The following GABRB1 variants were observed in gnomAD, a reference collection of about 807,000 sequenced individuals.
GABRB1 encodes gamma-aminobutyric acid type A receptor subunit beta1, also known as gamma-aminobutyric acid receptor subunit beta-1.
In GABRB1, 17 loss-of-function variants were observed where a neutral mutation model predicts 51.6. The ratio of observed to expected loss-of-function variants is 0.33; its 90% CI spans 0.23 to 0.49. GABRB1 has a LOEUF of 0.49. Among genes scored for constraint, GABRB1 ranks in the 20% least tolerant of loss-of-function variants. GABRB1 has a pLI of 0.99. For synonymous variants in GABRB1, 247 were observed against 218.9 expected, an observed-to-expected ratio of 1.13 and a Z score of -1.14; for missense variants, 410 against 600.6, an observed-to-expected ratio of 0.68 and a Z score of 3.32.
intron 1 of GABRB1, among the ~76,000 whole-genome samples, chr4:47,006,188 ACC>A (rs1157819586): frequency 6.6e-6 from 1 of 151,976 alleles, no homozygotes; most frequent in Non-Finnish European, 1.5e-5. Flanking sequence ...TTGAATTATG[ACC>A]ACAGATTTTG....
intron 4 of GABRB1, among the ~76,000 whole-genome samples, chr4:47,211,228 G>A (rs1720343473): frequency 6.6e-6 from 1 of 152,150 alleles, no homozygotes; most frequent in African/African-American, 2.4e-5. Flanking sequence ...TCTACTCACT[G>A]TAGCTTAGCT....
chr4:47,293,741 A>G (rs1278190443), intron 4 of GABRB1, among the ~76,000 whole-genome samples: 1 of 152,212 alleles, frequency 6.6e-6, no homozygotes, highest in African/African-American at 2.4e-5. Flanking sequence ...AATAATAAAG[A>G]CACACACATA....
intron 4 of GABRB1, among the ~76,000 whole-genome samples, chr4:47,229,938 G>A (rs572251144): frequency 6.6e-6 from 1 of 152,206 alleles, no homozygotes; most frequent in East Asian, 1.9e-4. Context: ...ATAAGAAAAT[G>A]TTGTTTTAAG....
intron 1 of GABRB1, among the ~76,000 whole-genome samples, chr4:47,024,716 C>G (rs1360689168): frequency 6.6e-6 from 1 of 151,466 alleles, no homozygotes; most frequent in Non-Finnish European, 1.5e-5. Context: ...TTATCCCATA[C>G]CACCTTCTGA....
intron 5 of GABRB1, among the ~76,000 whole-genome samples, chr4:47,355,409 A>C (rs1192045120): frequency 6.6e-6 from 1 of 152,062 alleles, no homozygotes; most frequent in Non-Finnish European, 1.5e-5. Context: ...CTCATCTTCT[A>C]TGCTTCCACT....
chr4:47,153,476 A>T (rs1036587214), intron 3 of GABRB1, among the ~76,000 whole-genome samples: 1 of 152,050 alleles, frequency 6.6e-6, no homozygotes, highest in Non-Finnish European at 1.5e-5. Context: ...TCATCAAAAA[A>T]GATTTTTACA....
intron 3 of GABRB1, among the ~76,000 whole-genome samples, chr4:47,044,886 C>T (rs1726019868): frequency 6.6e-6 from 1 of 151,956 alleles, no homozygotes; most frequent in Non-Finnish European, 1.5e-5. Flanking sequence ...ATAATTTTAT[C>T]TTGTTTCTTA....
intron 5 of GABRB1, among the ~76,000 whole-genome samples, chr4:47,376,600 C>T (rs560079905): frequency 7.9e-5 from 12 of 152,030 alleles, no homozygotes; most frequent in African/African-American, 2.2e-4. Flanking sequence ...TGAGCCGAGA[C>T]CGCACCACTG....
At chr4:47,125,555 A>ATTTTTTTTTTTTTTTT (rs570181191) in intron 3 of GABRB1, among the ~76,000 whole-genome samples, 1 of 21,020 alleles carries the variant, frequency 4.8e-5, no homozygotes, top group Non-Finnish European at 1.0e-4. Flanking sequence ...ACAAAGTATA[A>ATTTTTTTTTTTTTTTT]TTTCTTTTTT....
intron 4 of GABRB1, among the ~76,000 whole-genome samples, chr4:47,292,365 A>T (rs1723779180): frequency 6.6e-6 from 1 of 152,216 alleles, no homozygotes. Flanking sequence ...GTGAAAATGA[A>T]ATAATACATG....
At chr4:47,200,016 G>A (rs1409514926) in intron 4 of GABRB1, among the ~76,000 whole-genome samples, 2 of 152,124 alleles carry the variant, frequency 1.3e-5, no homozygotes. Flanking sequence ...TTATACTCTA[G>A]CCGAAGTAAT....
chr4:47,297,361 G>A (rs188725230), intron 4 of GABRB1, among the ~76,000 whole-genome samples: 2,432 of 114,680 alleles, frequency 0.021, 44 homozygotes, highest in South Asian at 0.054. Context: ...TAGACCGCTA[G>A]CAAGACTAAT....
At chr4:47,074,350 G>A (rs1406417682) in intron 3 of GABRB1, among the ~76,000 whole-genome samples, 1 of 152,156 alleles carries the variant, frequency 6.6e-6, no homozygotes, top group Non-Finnish European at 1.5e-5. Context: ...TTTGAAAATA[G>A]ATCCTTCCTG....
intron 3 of GABRB1, among the ~76,000 whole-genome samples, chr4:47,039,484 G>A (rs550939574): frequency 6.6e-6 from 1 of 151,656 alleles, no homozygotes; most frequent in African/African-American, 2.4e-5. Flanking sequence ...TTTCTTTTTA[G>A]AGGAATGTCT....
In GABRB1 at chr4:47,268,730, T is replaced by C. The variant is rs538810584; in HGVS notation, c.462-51397T>C. ...AAGCAAGAGAATAAATACAAAGCAA[T>C]ATGTACTGATAGCATTAAAATGCTT... On this transcript the variant is annotated intron_variant, in intron 4 of 8. Transcript: ENST00000295454. Among the ~76,000 whole-genome samples the C allele has an allele frequency of 3.0e-4, 45 of 152,228 alleles. 1 individual carries two copies. In the South Asian group the frequency reaches 9.1e-3, roughly 31 times the overall value.
At chr4:47,000,619 G>A (rs1351996376) in intron 1 of GABRB1, among the ~76,000 whole-genome samples, 1 of 152,160 alleles carries the variant, frequency 6.6e-6, no homozygotes, top group African/African-American at 2.4e-5. Flanking sequence ...AGGTTTGACT[G>A]AGCTGGGCAT....
intron 4 of GABRB1, among the ~76,000 whole-genome samples, chr4:47,179,613 T>TA (rs897464956): frequency 2.0e-5 from 3 of 151,972 alleles, no homozygotes; most frequent in African/African-American, 4.8e-5. Flanking sequence ...AGACACAAAA[T>TA]AAAAAAATAG....
intron 3 of GABRB1, among the ~76,000 whole-genome samples, chr4:47,038,898 A>G (rs1022364911): frequency 6.6e-6 from 1 of 152,172 alleles, no homozygotes; most frequent in African/African-American, 2.4e-5. Flanking sequence ...TTTATAGTTG[A>G]CTAAATATTA....
chr4:47,288,630 G>A (rs1001090277), intron 4 of GABRB1, among the ~76,000 whole-genome samples: 1 of 152,072 alleles, frequency 6.6e-6, no homozygotes, highest in African/African-American at 2.4e-5. Flanking sequence ...TCTATGACTG[G>A]GATGTTTAGT....
Sources: allele counts gnomAD v4.1 joint callset (sites outside exome capture counted in the v4.1 genomes callset), GRCh38; gene constraint gnomAD v4.1.1; transcripts MANE v1.5; gene names NCBI Gene and HGNC (gene_info 2026-07-23, HGNC 2026-07-21).